HSD17B4: variants seen among roughly 807,000 people sequenced by gnomAD.
HSD17B4 encodes the protein hydroxysteroid 17-beta dehydrogenase 4, also known as peroxisomal multifunctional enzyme type 2.
In HSD17B4, 70 loss-of-function variants were observed where a neutral mutation model predicts 101.0. That is an observed-to-expected ratio of 0.69 (90% CI 0.57 to 0.85). The LOEUF is 0.85. Among genes scored for constraint, HSD17B4 ranks in the 40% least tolerant of loss-of-function variants. The probability of loss-of-function intolerance (pLI) is 0.00; values close to 1 mark genes in which losing one functional copy is unlikely to be tolerated. For synonymous variants in HSD17B4, 347 were observed against 297.1 expected (o/e 1.17, Z -1.73); for missense variants, 984 against 892.4 (o/e 1.10, Z -1.31).
At chr5:119,527,564 A>G (rs996294914) in intron 20 of HSD17B4, among the ~76,000 whole-genome samples, 2 of 152,108 alleles carry the variant, frequency 1.3e-5, no homozygotes, top group Non-Finnish European at 2.9e-5. Flanking sequence ...ATCTTAAAAA[A>G]TTTAAAGGCA....
At chr5:119,498,643 C>T (rs938308924) in intron 12 of HSD17B4, among the ~76,000 whole-genome samples, 1 of 152,018 alleles carries the variant, frequency 6.6e-6, no homozygotes, top group Non-Finnish European at 1.5e-5. Context: ...TTTGGGAGGC[C>T]GAGGTGGGTG....
intron 17 of HSD17B4, among the ~76,000 whole-genome samples, chr5:119,518,142 C>T (rs1188142097): frequency 6.6e-6 from 1 of 152,132 alleles, no homozygotes; most frequent in East Asian, 1.9e-4. Context: ...TTCTTTCACT[C>T]TTTGCAATAA....
chr5:119,495,241 AG>A lies in HSD17B4; in HGVS notation c.868+1297del, dbSNP rs72563172. Among the ~76,000 whole-genome samples, 714 of 152,332 alleles carry A rather than the reference AG, an allele frequency of 4.7e-3. 2 individuals carry two copies. Among genetic ancestry groups the A allele is most frequent in the Admixed American group, 7.7e-3 (118 of 15,296 alleles). On this transcript the variant is annotated intron_variant, in intron 11 of 23. Transcript: ENST00000510025. Reference sequence around the variant, plus strand: ...ATGAAAACAAATGAAAGAAAAGTATAGGAAAAACTTTCCTCTGATATTTATC... The same window carrying A: ...ATGAAAACAAATGAAAGAAAAGTATAGAAAAACTTTCCTCTGATATTTATC...
chr5:119,513,883 A>G (rs759549706), intron 16 of HSD17B4, among the ~76,000 whole-genome samples: 28 of 152,188 alleles, frequency 1.8e-4, no homozygotes, highest in African/African-American at 4.6e-4. Flanking sequence ...ATGGCATACA[A>G]TGGATTTTGT....
Position 119,515,079 on chromosome 5 carries a change from A to C in HSD17B4, c.1503+33A>C, listed in dbSNP as rs1580668485. On this transcript the variant is annotated intron_variant, in intron 17 of 23. Coordinates refer to ENST00000510025, the MANE Select transcript of HSD17B4 (RefSeq NM_000414.4). ...TGTATTTTTGAAAAATGATAAATCC[A>C]CCTGGTTGATGACACTTTTTAATTT... The C allele has an allele frequency of 6.5e-6, 8 of 1,226,336 alleles. No homozygotes were observed. In the East Asian group the frequency reaches 1.9e-4, roughly 29 times the overall value. The allele number at this position is 1,226,336 out of a possible 1,614,324, so 76.0% of individuals were successfully genotyped here. A position where few individuals can be genotyped will look rare whatever the true frequency, so the allele number is the denominator to read the frequency against.
At chr5:119,517,208 C>G (rs1260750648) in intron 17 of HSD17B4, among the ~76,000 whole-genome samples, 2 of 152,196 alleles carry the variant, frequency 1.3e-5, no homozygotes, top group African/African-American at 4.8e-5. Flanking sequence ...AGCAGCTGGC[C>G]GGCCCTGCTG....
In HSD17B4 at chr5:119,499,498, C is replaced by A. The variant is rs1368714235; in HGVS notation, c.1154C>A (p.Ser385Tyr). The A allele has an allele frequency of 4.3e-6, 7 of 1,613,676 alleles. No homozygotes were observed. The Admixed American group carries it at 1.2e-4, about 27-fold the overall frequency. Reference sequence around the variant, plus strand: ...TTCGGAGTTATCATAGGTCAGAAATCTATGATGGGTGGAGGATTAGCAGAA... The same window carrying A: ...TTCGGAGTTATCATAGGTCAGAAATATATGATGGGTGGAGGATTAGCAGAA... ...PTFGVIIGQK[S>Y]MMGGGLAEIP... The change falls in exon 13 of 24, where the codon TCT becomes TAT. Residue 385 changes from serine to tyrosine, a missense_variant. Transcript: ENST00000510025.
At chr5:119,474,912 A>C (rs1192182903) in intron 4 of HSD17B4, among the ~76,000 whole-genome samples, 1 of 152,106 alleles carries the variant, frequency 6.6e-6, no homozygotes, top group Non-Finnish European at 1.5e-5. Context: ...ATTTCAAATA[A>C]ATTGTTGAGT....
At chr5:119,500,465 C>T (rs890674024) in intron 13 of HSD17B4, among the ~76,000 whole-genome samples, 1 of 151,688 alleles carries the variant, frequency 6.6e-6, no homozygotes, top group African/African-American at 2.4e-5. Flanking sequence ...TATACATACA[C>T]ATTTATTTTA....
intron 19 of HSD17B4, among the ~76,000 whole-genome samples, chr5:119,526,835 T>G (rs1561486562): frequency 6.6e-6 from 1 of 152,056 alleles, no homozygotes; most frequent in Non-Finnish European, 1.5e-5. Context: ...GTTGTTCTGA[T>G]GTACCTATAT....
At chr5:119,474,114 A>G (rs1748333572) in intron 3 of HSD17B4, 99 bp downstream of exon 3, 3 of 791,832 alleles carry the variant, frequency 3.8e-6, no homozygotes, top group African/African-American at 1.7e-5. Flanking sequence ...TTCCAGTATA[A>G]TTATGATTTT....
At chr5:119,470,856 C>T (rs1244876691) in intron 2 of HSD17B4, among the ~76,000 whole-genome samples, 2 of 152,280 alleles carry the variant, frequency 1.3e-5, no homozygotes, top group East Asian at 1.9e-4. Context: ...TCTGTGATTT[C>T]GCTCTGGTGA....
At chr5:119,500,571 T>C (rs1751067418) in intron 13 of HSD17B4, among the ~76,000 whole-genome samples, 1 of 152,088 alleles carries the variant, frequency 6.6e-6, no homozygotes, top group Non-Finnish European at 1.5e-5. Flanking sequence ...TATATGAGTC[T>C]AGAGTTCAGG....
intron 22 of HSD17B4, among the ~76,000 whole-genome samples, chr5:119,534,793 C>T (rs1219357304): frequency 6.6e-6 from 1 of 152,062 alleles, no homozygotes; most frequent in Non-Finnish European, 1.5e-5. Flanking sequence ...CTCAGGGTTA[C>T]TCTCTATTCC....
intron 8 of HSD17B4, among the ~76,000 whole-genome samples, chr5:119,487,053 G>T (rs575579340): frequency 6.6e-6 from 1 of 152,160 alleles, no homozygotes; most frequent in Admixed American, 6.5e-5. Flanking sequence ...TTACCAGGAA[G>T]CATAGCCAAT....
At chr5:119,517,438 C>A (rs57990091) in intron 17 of HSD17B4, among the ~76,000 whole-genome samples, 4,340 of 152,316 alleles carry the variant, frequency 0.028, 194 homozygotes, top group African/African-American at 0.096. Flanking sequence ...GAGTGCCACC[C>A]CCTGCTCCAC....
At chr5:119,474,063 C>T (rs1413526862) in intron 3 of HSD17B4, 48 bp downstream of exon 3, 1 of 942,506 alleles carries the variant, frequency 1.1e-6, no homozygotes, top group Admixed American at 1.9e-5. Context: ...TCAACTAATG[C>T]TATTTGTCAC....
rs965035487 is a variant in HSD17B4, at chr5:119,517,488, C to T, written c.1503+2442C>T. Among the ~76,000 whole-genome samples, 10 of 152,216 alleles carry T rather than the reference C, an allele frequency of 6.6e-5. No individual in the cohort carries two copies. In the South Asian group the frequency reaches 8.3e-4, roughly 13 times the overall value. On this transcript the variant is annotated intron_variant, in intron 17 of 23. Coordinates refer to ENST00000510025, the MANE Select transcript of HSD17B4 (RefSeq NM_000414.4). Reference sequence around the variant, plus strand: ...TCGACCACCCAAGGGCTGAGGAGTGCGAGCGTACCGCGCGGGACTGGCAGG... The same window carrying T: ...TCGACCACCCAAGGGCTGAGGAGTGTGAGCGTACCGCGCGGGACTGGCAGG...
chr5:119,496,695 C>G (rs750259592), intron 12 of HSD17B4, 49 bp downstream of exon 12: 1 of 957,034 alleles, frequency 1.0e-6, no homozygotes, highest in Admixed American at 1.7e-5. Flanking sequence ...GAGACTTTCC[C>G]TCCCTTCTTC....
Sources: gnomAD v4.1 joint callset for allele counts (sites outside exome capture counted in the v4.1 genomes callset) on GRCh38, gnomAD v4.1.1 for gene constraint, MANE v1.5 for transcripts, NCBI Gene and HGNC (gene_info 2026-07-23, HGNC 2026-07-21) for gene names.